Variants in LRRC1 observed in about 807,000 individuals in gnomAD.
LRRC1 encodes the protein leucine-rich repeat-containing protein 1.
In LRRC1, 28 loss-of-function variants were observed where a neutral mutation model predicts 69.9. The observed-to-expected ratio is 0.40, with a 90% CI of 0.30 to 0.55. The LOEUF (loss-of-function observed/expected upper bound fraction) is 0.55, where lower values mean the gene tolerates loss of function less well. Ranked by LOEUF, LRRC1 falls within the 20% of genes least tolerant of loss-of-function variation. LRRC1 has a pLI of 0.47. For missense variants in LRRC1, 498 were observed against 609.0 expected, an observed-to-expected ratio of 0.82 and a Z score of 1.92; for synonymous variants, 236 against 240.2, an observed-to-expected ratio of 0.98 and a Z score of 0.16.
At chr6:53,815,952 A>G (rs188134651) in intron 1 of LRRC1, among the ~76,000 whole-genome samples, 75 of 152,374 alleles carry the variant, frequency 4.9e-4, no homozygotes, top group Admixed American at 1.0e-3. Context: ...AAGTAGGTTT[A>G]ACGAGTACCC....
intron 1 of LRRC1, among the ~76,000 whole-genome samples, chr6:53,812,712 A>AAAAAAAAAAAAG (rs56163538): frequency 7.2e-6 from 1 of 139,860 alleles, no homozygotes; most frequent in Non-Finnish European, 1.5e-5. Flanking sequence ...AAAAAAAAAA[A>AAAAAAAAAAAAG]AATTTGAAGA....
At position 53,879,060 on chromosome 6, in the gene LRRC1, C is replaced by T. The variant is rs756623078; in HGVS notation, c.345C>T (p.Asn115=). ...TGCAGGTAGCTGACTTCAGCGGAAA[C>T]CCACTGACTAGGTAAGCTTTCTGCT... ...KALQVADFSG[N]PLTRLPESFP... Residue 115 remains asparagine (N), a synonymous_variant, in exon 3 of 14, where the codon AAC becomes AAT. Transcript: ENST00000370888. 6.2e-7 allele frequency: 1 copy of T among 1,611,576 alleles called. No individual in the cohort carries two copies. The highest frequency in any genetic ancestry group is 1.1e-5 in the South Asian group (1 of 90,928).
rs138714082 is a variant in LRRC1, at chr6:53,896,885, A to G, written c.560A>G (p.Tyr187Cys). The change falls in exon 6 of 14, where the codon TAT becomes TGT. Residue 187 changes from tyrosine to cysteine, a missense_variant. Tyr to Cys is a radical substitution (Grantham distance 194). Around this residue, in one of 3 missense-constraint regions of LRRC1, gnomAD observed 266 missense variants for 383.9 expected, o/e 0.69. Coordinates refer to ENST00000370888, the MANE Select transcript of LRRC1 (RefSeq NM_018214.5). ...EELDLGNNEI[Y>C]NLPESIGALL... Reference sequence around the variant, plus strand: ...CTTGATTTAGGAAACAATGAAATATATAATTTGGTAAGTCCGTATTAGAGA... The same window carrying G: ...CTTGATTTAGGAAACAATGAAATATGTAATTTGGTAAGTCCGTATTAGAGA... 1.5e-4 allele frequency: 246 copies of G among 1,589,896 alleles called. No homozygotes were observed. In the East Asian group the frequency reaches 4.7e-3, roughly 30 times the overall value.
intron 4 of LRRC1, 82 bp downstream of exon 4, chr6:53,883,058 C>A: frequency 1.2e-6 from 1 of 809,388 alleles, no homozygotes; most frequent in East Asian, 2.8e-5. Flanking sequence ...CCTTTTAAAG[C>A]TCCTATTTGT....
chr6:53,808,773 A>C (rs1009859623), intron 1 of LRRC1, among the ~76,000 whole-genome samples: 3 of 152,172 alleles, frequency 2.0e-5, no homozygotes, highest in African/African-American at 7.2e-5. Flanking sequence ...CATAAGTTGC[A>C]TCTGTTCTGT....
At chr6:53,864,417 A>G (rs1282311350) in intron 2 of LRRC1, among the ~76,000 whole-genome samples, 3 of 152,096 alleles carry the variant, frequency 2.0e-5, no homozygotes, top group African/African-American at 4.8e-5. Flanking sequence ...GCATTCCTCC[A>G]GCATTTTTGA....
intron 2 of LRRC1, among the ~76,000 whole-genome samples, chr6:53,862,376 T>A (rs1217642877): frequency 1.3e-5 from 2 of 151,892 alleles, no homozygotes; most frequent in Non-Finnish European, 2.9e-5. Context: ...AGTGCCAAAC[T>A]GTCCACATTT....
At chr6:53,896,763 G>T in intron 5 of LRRC1, 66 bp from the exon 6 acceptor site, 1 of 1,058,816 alleles carries the variant, frequency 9.4e-7, no homozygotes, top group Non-Finnish European at 1.4e-6. Context: ...GTCCAAGTGA[G>T]GGATACTATA....
intron 3 of LRRC1, 23 bp from the exon 4 acceptor site, chr6:53,882,864 T>G (rs1270972990): frequency 1.4e-6 from 2 of 1,478,410 alleles, no homozygotes; most frequent in African/African-American, 2.8e-5. Flanking sequence ...TTTACAGCGT[T>G]TTGTTTGTTT....
At chr6:53,895,514 T>C (rs1767841631) in intron 4 of LRRC1, among the ~76,000 whole-genome samples, 1 of 152,186 alleles carries the variant, frequency 6.6e-6, no homozygotes, top group African/African-American at 2.4e-5. Context: ...GTCTGACTTT[T>C]TGTGTTCTGT....
At chr6:53,864,498 G>A (rs887329906) in intron 2 of LRRC1, among the ~76,000 whole-genome samples, 1 of 152,064 alleles carries the variant, frequency 6.6e-6, no homozygotes, top group Non-Finnish European at 1.5e-5. Context: ...AGTCTTCCTC[G>A]GCCACGAGGC....
At chr6:53,894,935 CTTTT>C (rs563962682) in intron 4 of LRRC1, among the ~76,000 whole-genome samples, 1 of 141,484 alleles carries the variant, frequency 7.1e-6, no homozygotes, top group Non-Finnish European at 1.6e-5. Context: ...GTTTTTTTTT[CTTTT>C]TTTTTTTTTT....
rs1038240558 is a variant in LRRC1 at position 53,912,243 on chromosome 6, G to T, written c.991-1611G>T. Among the ~76,000 whole-genome samples, 8 of 152,130 alleles carry T rather than the reference G, an allele frequency of 5.3e-5. 1 individual carries two copies. The highest frequency in any genetic ancestry group is 1.9e-4 in the African/African-American group (8 of 41,414). On this transcript the variant is annotated intron_variant, in intron 10 of 13. Coordinates refer to ENST00000370888, the MANE Select transcript of LRRC1 (RefSeq NM_018214.5). ...CTTAGGGTTCTTCATGTGGTATTTT[G>T]TGCTGTCAGAGGGTTAGACCGTAAT...
chr6:53,886,268 G>A (rs1165742472), intron 4 of LRRC1, among the ~76,000 whole-genome samples: 1 of 152,068 alleles, frequency 6.6e-6, no homozygotes, highest in African/African-American at 2.4e-5. Context: ...AAGTTACTGT[G>A]GCATATTTCT....
chr6:53,875,493 A>C (rs1251636811), intron 2 of LRRC1, among the ~76,000 whole-genome samples: 1 of 152,152 alleles, frequency 6.6e-6, no homozygotes, highest in Non-Finnish European at 1.5e-5. Context: ...AAGTAAAAAA[A>C]AAAATCACAA....
chr6:53,910,117 C>A (rs1356579328), intron 10 of LRRC1, among the ~76,000 whole-genome samples: 1 of 152,096 alleles, frequency 6.6e-6, no homozygotes, highest in East Asian at 1.9e-4. Context: ...CAGTGCATAA[C>A]AGCTAAGGAG....
chr6:53,848,093 G>C (rs547538631), intron 2 of LRRC1, among the ~76,000 whole-genome samples: 1 of 152,144 alleles, frequency 6.6e-6, no homozygotes, highest in East Asian at 1.9e-4. Context: ...GGAGAGTTTT[G>C]TTGTCACTGT....
chr6:53,866,856 C>G (rs1312380384), intron 2 of LRRC1, among the ~76,000 whole-genome samples: 1 of 152,030 alleles, frequency 6.6e-6, no homozygotes, highest in East Asian at 1.9e-4. Flanking sequence ...CCAGTTTAAT[C>G]TGAAGAATTA....
intron 1 of LRRC1, among the ~76,000 whole-genome samples, chr6:53,796,553 C>T (rs1424514048): frequency 6.6e-6 from 1 of 152,234 alleles, no homozygotes; most frequent in Non-Finnish European, 1.5e-5. Context: ...AGTGTTCTGA[C>T]TTGTTAGAAT....
Sources: gnomAD v4.1 joint callset for allele counts (sites outside exome capture counted in the v4.1 genomes callset) on GRCh38, gnomAD v4.1.1 for gene constraint, gnomAD v4.1.1 regional missense constraint, MANE v1.5 for transcripts, NCBI Gene and HGNC (gene_info 2026-07-23, HGNC 2026-07-21) for gene names.